Variants in PLEKHA5 observed in about 807,000 individuals in gnomAD.
The protein encoded by PLEKHA5 is pleckstrin homology domain containing A5.
Under a neutral mutation model 181.9 loss-of-function variants are expected in PLEKHA5, and 55 were observed. That is an observed-to-expected ratio of 0.30 (90% CI 0.24 to 0.38). The LOEUF is 0.38. PLEKHA5 is among the 10% of genes least tolerant of loss of function. The pLI is 1.00. For synonymous variants in PLEKHA5, 535 were observed against 529.4 expected (o/e 1.01, Z -0.15); for missense variants, 1,432 against 1,549.5 (o/e 0.92, Z 1.27).
rs771515269 is a variant in PLEKHA5 at position 19,129,754 on chromosome 12, C to CGCGGCGGCAGCAGGAGAAGGCG, written c.-37_-16dup. ...GCTCGTTCCCTCCTCCCTCGGCAGC[C>CGCGGCGGCAGCAGGAGAAGGCG]GCGGCGGCAGCAGGAGAAGGCGGCG... On this transcript the variant is annotated 5_prime_UTR_variant, in exon 1 of 32. Coordinates refer to ENST00000429027, the MANE Select transcript of PLEKHA5 (RefSeq NM_001256470.2). The CGCGGCGGCAGCAGGAGAAGGCG allele has an allele frequency of 8.9e-6, 13 of 1,460,992 alleles. No individual in the cohort carries two copies. The highest frequency in any genetic ancestry group is 7.0e-5 in the Admixed American group (4 of 57,266). 90.5% of individuals were successfully genotyped at this position (1,460,992 alleles called of 1,614,324 possible).
chr12:19,340,476 G>C (rs1194661982), intron 21 of PLEKHA5, among the ~76,000 whole-genome samples: 1 of 141,104 alleles, frequency 7.1e-6, no homozygotes, highest in African/African-American at 2.5e-5. Flanking sequence ...TTGAGAACGG[G>C]CCATGATGAC....
intron 14 of PLEKHA5, 40 bp from the exon 15 acceptor site, chr12:19,291,604 C>T (rs955868776): frequency 1.6e-6 from 2 of 1,240,608 alleles, no homozygotes; most frequent in Non-Finnish European, 2.2e-6. Flanking sequence ...ATTCCACATC[C>T]TCTTTCTCTG....
intron 15 of PLEKHA5, among the ~76,000 whole-genome samples, chr12:19,302,906 A>ATTTTTTTTTTTTTTTTTTTTTTTT (rs34702332): frequency 3.7e-5 from 2 of 53,992 alleles, no homozygotes; most frequent in African/African-American, 1.5e-4. Context: ...TCTGTATGAA[A>ATTTTTTTTTTTTTTTTTTTTTTTT]TTTTTTTTTT....
At chr12:19,328,715 T>G (rs1794469898) in intron 20 of PLEKHA5, among the ~76,000 whole-genome samples, 1 of 152,284 alleles carries the variant, frequency 6.6e-6, no homozygotes, top group Admixed American at 6.5e-5. Flanking sequence ...TGAAGTCATT[T>G]ATCAGTTGTA....
At chr12:19,272,850 C>G (rs2073359779) in intron 10 of PLEKHA5, among the ~76,000 whole-genome samples, 1 of 152,062 alleles carries the variant, frequency 6.6e-6, no homozygotes, top group South Asian at 2.1e-4. Flanking sequence ...GTTAAAATTC[C>G]TACCCTCCCA....
In PLEKHA5 at chr12:19,149,005, C is replaced by T. The variant is rs2039662740; in HGVS notation, c.227+16555C>T. On this transcript the variant is annotated intron_variant, in intron 3 of 31. Coordinates refer to ENST00000429027, the MANE Select transcript of PLEKHA5 (RefSeq NM_001256470.2). ...TTATTATTGGTAGTAGAAGTAAAGT[C>T]CTTTGGGGTTGTGAGTCTTTACTGT... Among the ~76,000 whole-genome samples the T allele has an allele frequency of 2.0e-5, 3 of 152,098 alleles. 1 individual carries two copies. The South Asian group carries it at 6.2e-4, about 32-fold the overall frequency.
At chr12:19,343,069 A>C (rs991514386) in intron 21 of PLEKHA5, among the ~76,000 whole-genome samples, 2 of 152,156 alleles carry the variant, frequency 1.3e-5, no homozygotes, top group Non-Finnish European at 2.9e-5. Flanking sequence ...ATGTAAGACA[A>C]AGCTTATTGG....
At chr12:19,131,223 C>A (rs1327736304) in intron 2 of PLEKHA5, among the ~76,000 whole-genome samples, 1 of 152,122 alleles carries the variant, frequency 6.6e-6, no homozygotes, top group Non-Finnish European at 1.5e-5. Flanking sequence ...TACATTCTCT[C>A]GGACTCTGAC....
chr12:19,249,534 G>A (rs145416776), intron 3 of PLEKHA5, among the ~76,000 whole-genome samples: 10 of 152,148 alleles, frequency 6.6e-5, no homozygotes, highest in East Asian at 5.8e-4. Flanking sequence ...ATTTTTGGGC[G>A]GCAATTGACT....
rs2094380315 is a variant in PLEKHA5, at chr12:19,347,254, A to G, written c.2898+72A>G. On this transcript the variant is annotated intron_variant, in intron 24 of 31. Transcript: ENST00000429027. ...TCATTTTTGAAAATTAATTTATTTTACACTCAAACTTTTTTTTTATTATAA... is the reference window on the plus strand; with the variant it reads ...TCATTTTTGAAAATTAATTTATTTTGCACTCAAACTTTTTTTTTATTATAA... 3 of 908,878 alleles carry G rather than the reference A, an allele frequency of 3.3e-6. No homozygotes were observed. The African/African-American group carries it at 5.1e-5, about 15-fold the overall frequency. The allele number at this position is 908,878 out of a possible 1,614,324, so 56.3% of individuals were successfully genotyped here.
intron 3 of PLEKHA5, among the ~76,000 whole-genome samples, chr12:19,216,177 G>A (rs550579309): frequency 6.6e-6 from 1 of 152,220 alleles, no homozygotes; most frequent in East Asian, 1.9e-4. Context: ...TTCTCATGTG[G>A]GTTTTTATTT....
intron 26 of PLEKHA5, among the ~76,000 whole-genome samples, chr12:19,357,618 G>GGTTTGTTT (rs34121449): frequency 0.019 from 2,856 of 151,020 alleles, 71 homozygotes; most frequent in African/African-American, 0.064. Flanking sequence ...GAGTTATGGG[G>GGTTTGTTT]GTTTGTTTGT....
intron 3 of PLEKHA5, among the ~76,000 whole-genome samples, chr12:19,148,530 T>C (rs2039533865): frequency 6.6e-6 from 1 of 152,214 alleles, no homozygotes; most frequent in Non-Finnish European, 1.5e-5. Context: ...CCCTCTCTTC[T>C]TCTCATTTGA....
chr12:19,253,636 G>A (rs189228480), intron 3 of PLEKHA5, among the ~76,000 whole-genome samples: 1 of 151,958 alleles, frequency 6.6e-6, no homozygotes, highest in Admixed American at 6.6e-5. Context: ...GACCAACATG[G>A]TGAAATCCTG....
chr12:19,371,778 G>C (rs954791200), intron 31 of PLEKHA5: 1 of 152,184 alleles, frequency 6.6e-6, no homozygotes, highest in Non-Finnish European at 1.5e-5. Context: ...ACATGCATGT[G>C]CATGTATCTT....
chr12:19,229,193 G>T (rs1253859371), intron 3 of PLEKHA5, among the ~76,000 whole-genome samples: 1 of 152,192 alleles, frequency 6.6e-6, no homozygotes, highest in Non-Finnish European at 1.5e-5. Context: ...AGTAAAACTT[G>T]ATGTTGGCAG....
intron 3 of PLEKHA5, among the ~76,000 whole-genome samples, chr12:19,221,898 C>T (rs181649756): frequency 4.7e-4 from 72 of 152,114 alleles, no homozygotes; most frequent in African/African-American, 1.6e-3. Flanking sequence ...ATGTGATATC[C>T]TACAACAGAA....
rs1333266905 is a variant in PLEKHA5, at chr12:19,361,572, T to C, written c.3484-10T>C. On this transcript the variant is annotated splice_polypyrimidine_tract_variant and intron_variant, in intron 28 of 31. Transcript: ENST00000429027. ...TCTTTGAAAAGAAAATTTTTCTTTT[T>C]ATTCTACAGTTAAAAAAAACTGAAA... 21 of 1,362,148 alleles carry C rather than the reference T, an allele frequency of 1.5e-5. No individual in the cohort carries two copies. The highest frequency in any genetic ancestry group is 2.0e-5 in the Non-Finnish European group (20 of 978,292). The allele number at this position is 1,362,148 out of a possible 1,614,324, so 84.4% of individuals were successfully genotyped here.
At chr12:19,306,412 A>G in intron 15 of PLEKHA5, 1 of 553,838 alleles carries the variant, frequency 1.8e-6, no homozygotes, top group South Asian at 1.5e-5. Flanking sequence ...GGTAGAGAAA[A>G]GGTGGCGACG....
Sources: allele counts gnomAD v4.1 joint callset (sites outside exome capture counted in the v4.1 genomes callset), GRCh38; gene constraint gnomAD v4.1.1; transcripts MANE v1.5; gene names NCBI Gene and HGNC (gene_info 2026-07-23, HGNC 2026-07-21).